The following PRKG1 variants were observed in gnomAD, a reference collection of about 807,000 sequenced individuals.
PRKG1 encodes the protein protein kinase cGMP-dependent 1.
A neutral mutation model predicts 88.1 loss-of-function variants in PRKG1; 35 were observed. The ratio of observed to expected loss-of-function variants is 0.40; its 90% CI spans 0.30 to 0.53. The LOEUF is 0.53. Ranked by LOEUF, PRKG1 falls within the 20% of genes least tolerant of loss-of-function variation. The pLI, the probability that PRKG1 is intolerant of heterozygous loss-of-function variation, is 0.59. For synonymous variants in PRKG1, 303 were observed against 292.5 expected, an observed-to-expected ratio of 1.04 and a Z score of -0.37; for missense variants, 540 against 839.8, an observed-to-expected ratio of 0.64 and a Z score of 4.41.
intron 2 of PRKG1, among the ~76,000 whole-genome samples, chr10:51,379,445 G>A (rs1320939060): frequency 3.3e-5 from 5 of 152,270 alleles, no homozygotes; most frequent in Admixed American, 1.3e-4. Context: ...ATATCCAAAA[G>A]ATATTAGTTG....
At chr10:51,598,383 C>A (rs769110199) in intron 3 of PRKG1, among the ~76,000 whole-genome samples, 1 of 152,158 alleles carries the variant, frequency 6.6e-6, no homozygotes, top group African/African-American at 2.4e-5. Flanking sequence ...AAGAGATTCT[C>A]CTGCCTTAGC....
At chr10:52,110,130 C>T (rs1427010077) in intron 7 of PRKG1, among the ~76,000 whole-genome samples, 12 of 151,818 alleles carry the variant, frequency 7.9e-5, no homozygotes, top group Non-Finnish European at 1.2e-4. Context: ...GGGCGGATCA[C>T]GAGGTCAGGA....
chr10:51,207,729 G>T (rs941601972), intron 2 of PRKG1, among the ~76,000 whole-genome samples: 2 of 152,090 alleles, frequency 1.3e-5, no homozygotes, highest in Non-Finnish European at 2.9e-5. Context: ...GAAGCCAATG[G>T]CAACTTTATA....
chr10:51,276,576 C>T (rs969661672), intron 2 of PRKG1, among the ~76,000 whole-genome samples: 2 of 152,132 alleles, frequency 1.3e-5, no homozygotes, highest in Non-Finnish European at 2.9e-5. Context: ...TTTACAGTCC[C>T]ACCAACAGTG....
chr10:51,485,655 A>G (rs1296510168), intron 3 of PRKG1, among the ~76,000 whole-genome samples: 1 of 152,224 alleles, frequency 6.6e-6, no homozygotes, highest in Non-Finnish European at 1.5e-5. Context: ...TTATATTGCT[A>G]CTAAATATCA....
intron 2 of PRKG1, among the ~76,000 whole-genome samples, chr10:51,410,838 T>C (rs1170016737): frequency 6.6e-6 from 1 of 151,542 alleles, no homozygotes; most frequent in Non-Finnish European, 1.5e-5. Flanking sequence ...AATATAAATA[T>C]ACACTTGTAG....
chr10:51,759,379 G>T (rs1205272488), intron 3 of PRKG1, among the ~76,000 whole-genome samples: 1 of 151,882 alleles, frequency 6.6e-6, no homozygotes, highest in African/African-American at 2.4e-5. Context: ...CGATTTTCCT[G>T]CCTCAGCCTC....
intron 3 of PRKG1, among the ~76,000 whole-genome samples, chr10:51,567,991 C>T (rs1352797384): frequency 6.6e-6 from 1 of 151,912 alleles, no homozygotes; most frequent in African/African-American, 2.4e-5. Context: ...AGCTTGTTGG[C>T]AGTATCATTA....
In PRKG1 at chr10:51,991,620, A is replaced by G. The variant is rs113365352; in HGVS notation, c.763-62864A>G. 6.0e-3 allele frequency among the ~76,000 whole-genome samples: 910 copies of G among 152,256 alleles called. 7 individuals carry two copies. The highest frequency in any genetic ancestry group is 8.6e-3 in the Non-Finnish European group (585 of 68,018). On this transcript the variant is annotated intron_variant, in intron 5 of 17. Coordinates refer to ENST00000373980, the MANE Select transcript of PRKG1 (RefSeq NM_006258.4). ...TGTTCAATTCCCACCTATGAGTGAG[A>G]ACATGCAGTGTTTGGTTTTTTGTCT...
intron 5 of PRKG1, among the ~76,000 whole-genome samples, chr10:51,992,058 C>A (rs907451368): frequency 1.3e-5 from 2 of 152,046 alleles, no homozygotes; most frequent in African/African-American, 4.8e-5. Flanking sequence ...ATTATTATAA[C>A]CTTATAAATA....
intron 3 of PRKG1, among the ~76,000 whole-genome samples, chr10:51,656,923 G>C (rs1239778583): frequency 6.6e-6 from 1 of 152,120 alleles, no homozygotes; most frequent in Non-Finnish European, 1.5e-5. Flanking sequence ...TCGTGACTAT[G>C]AATCTTGACT....
chr10:52,218,197 C>T (rs555843485), intron 9 of PRKG1, among the ~76,000 whole-genome samples: 23 of 138,804 alleles, frequency 1.7e-4, no homozygotes, highest in Admixed American at 2.3e-4. Flanking sequence ...GGTGACAAAG[C>T]GAGACTCCAT....
intron 2 of PRKG1, among the ~76,000 whole-genome samples, chr10:51,298,859 G>C (rs1329890781): frequency 6.6e-6 from 1 of 152,182 alleles, no homozygotes; most frequent in Non-Finnish European, 1.5e-5. Flanking sequence ...CTGGCACATA[G>C]TAGGCATGCA....
intron 9 of PRKG1, among the ~76,000 whole-genome samples, chr10:52,224,414 C>T (rs1204204833): frequency 6.6e-6 from 1 of 151,990 alleles, no homozygotes; most frequent in Non-Finnish European, 1.5e-5. Flanking sequence ...TGTTCCCACA[C>T]TCCCTAGTAC....
intron 2 of PRKG1, among the ~76,000 whole-genome samples, chr10:51,368,968 A>G (rs1206748231): frequency 2.0e-5 from 3 of 152,106 alleles, no homozygotes; most frequent in Non-Finnish European, 2.9e-5. Flanking sequence ...AGGTGAAGGA[A>G]TCTCAGAGAT....
At chr10:51,568,773 A>T (rs1184336648) in intron 3 of PRKG1, 2 of 151,876 alleles carry the variant, frequency 1.3e-5, no homozygotes, top group Non-Finnish European at 2.9e-5. Flanking sequence ...TACATTTTAC[A>T]CTCCATATAC....
At chr10:52,255,853 T>C (rs1841294825) in intron 10 of PRKG1, among the ~76,000 whole-genome samples, 1 of 152,044 alleles carries the variant, frequency 6.6e-6, no homozygotes, top group African/African-American at 2.4e-5. Context: ...TGTTTATTAA[T>C]AAATATTATT....
At chr10:51,541,545 T>A (rs1444070005) in intron 3 of PRKG1, among the ~76,000 whole-genome samples, 2 of 152,164 alleles carry the variant, frequency 1.3e-5, no homozygotes, top group Non-Finnish European at 2.9e-5. Context: ...TAAAATAAAC[T>A]GCATTAAAAG....
intron 3 of PRKG1, among the ~76,000 whole-genome samples, chr10:51,703,427 C>T (rs979814231): frequency 6.6e-6 from 1 of 152,142 alleles, no homozygotes; most frequent in Non-Finnish European, 1.5e-5. Context: ...ACCCTTTCCC[C>T]TAGGTTAGAA....
Sources: allele counts gnomAD v4.1 joint callset (sites outside exome capture counted in the v4.1 genomes callset), GRCh38; gene constraint gnomAD v4.1.1; transcripts MANE v1.5; gene names NCBI Gene and HGNC (gene_info 2026-07-23, HGNC 2026-07-21).